Variants in CAMTA1 observed in about 807,000 individuals in gnomAD.
CAMTA1 encodes calmodulin binding transcription activator 1.
A neutral mutation model predicts 170.9 loss-of-function variants in CAMTA1; 27 were observed. The ratio of observed to expected loss-of-function variants is 0.16; its 90% confidence interval spans 0.12 to 0.22. The LOEUF (loss-of-function observed/expected upper bound fraction) is 0.22, where lower values mean the gene tolerates loss of function less well. CAMTA1 is among the 10% of genes least tolerant of loss of function. CAMTA1 has a pLI of 1.00. For missense variants in CAMTA1, 1,619 were observed against 2,217.2 expected (o/e 0.73, Z 5.42); for synonymous variants, 833 against 891.5 (o/e 0.93, Z 1.17).
chr1:7,108,145 C>T (rs1643790283), intron 4 of CAMTA1, among the ~76,000 whole-genome samples: 2 of 152,098 alleles, frequency 1.3e-5, no homozygotes, highest in Non-Finnish European at 2.9e-5. Context: ...AGTTAGCGAG[C>T]CCCAAATATT....
At chr1:7,468,579 G>A (rs1195992125) in intron 6 of CAMTA1, among the ~76,000 whole-genome samples, 4 of 152,234 alleles carry the variant, frequency 2.6e-5, no homozygotes, top group Non-Finnish European at 5.9e-5. Context: ...CTGCCGTGTG[G>A]GCGGGAAGGT....
At chr1:7,457,998 C>T (rs1303506605) in intron 5 of CAMTA1, among the ~76,000 whole-genome samples, 1 of 152,182 alleles carries the variant, frequency 6.6e-6, no homozygotes, top group Non-Finnish European at 1.5e-5. Flanking sequence ...GTGGGGCGCC[C>T]ACGTGTCCTG....
At chr1:7,473,767 G>A (rs2093373847) in intron 6 of CAMTA1, among the ~76,000 whole-genome samples, 1 of 152,242 alleles carries the variant, frequency 6.6e-6, no homozygotes, top group African/African-American at 2.4e-5. Flanking sequence ...TCCAGGGACC[G>A]TGGCACCTCA....
chr1:7,102,356 C>T (rs1642845727), intron 4 of CAMTA1, among the ~76,000 whole-genome samples: 3 of 152,104 alleles, frequency 2.0e-5, no homozygotes, highest in Admixed American at 2.0e-4. Context: ...CAGGGGAGCT[C>T]ACTGAAGCAT....
At chr1:7,552,479 C>T (rs1557903524) in intron 6 of CAMTA1, among the ~76,000 whole-genome samples, 1 of 152,360 alleles carries the variant, frequency 6.6e-6, no homozygotes, top group Admixed American at 6.5e-5. Flanking sequence ...ATTCAGCAGA[C>T]TCTCCTGTGT....
chr1:7,566,215 C>T (rs1271271553), intron 6 of CAMTA1, among the ~76,000 whole-genome samples: 1 of 152,038 alleles, frequency 6.6e-6, no homozygotes, highest in Non-Finnish European at 1.5e-5. Flanking sequence ...GGGCTGGGCC[C>T]CTGGGTGACC....
chr1:7,226,534 C>T (rs1661722158), intron 4 of CAMTA1, among the ~76,000 whole-genome samples: 1 of 152,270 alleles, frequency 6.6e-6, no homozygotes, highest in South Asian at 2.1e-4. Flanking sequence ...AAAAAGCAAC[C>T]AACTTCACAA....
intron 3 of CAMTA1, among the ~76,000 whole-genome samples, chr1:6,897,700 G>A (rs1214103796): frequency 6.6e-6 from 1 of 152,144 alleles, no homozygotes; most frequent in Non-Finnish European, 1.5e-5. Context: ...TTCAGTATAT[G>A]GTGGTGATTA....
intron 4 of CAMTA1, among the ~76,000 whole-genome samples, chr1:7,182,872 C>T (rs1652493606): frequency 6.6e-6 from 1 of 152,098 alleles, no homozygotes; most frequent in African/African-American, 2.4e-5. Context: ...ATGAAAATGG[C>T]TTTGAGCTGT....
At chr1:7,279,544 C>T (rs764356818) in intron 5 of CAMTA1, among the ~76,000 whole-genome samples, 29 of 152,244 alleles carry the variant, frequency 1.9e-4, no homozygotes, top group Non-Finnish European at 2.9e-4. Flanking sequence ...TCAAGCAGCT[C>T]GGTACGGGGA....
chr1:7,698,088 C>A (rs1033225396), intron 11 of CAMTA1, among the ~76,000 whole-genome samples: 22 of 96,180 alleles, frequency 2.3e-4, no homozygotes, highest in South Asian at 3.6e-4. Flanking sequence ...CCCCCCCCCC[C>A]ACCAACATGG....
intron 6 of CAMTA1, among the ~76,000 whole-genome samples, chr1:7,500,490 C>G (rs956760877): frequency 1.3e-5 from 2 of 152,058 alleles, no homozygotes; most frequent in African/African-American, 4.8e-5. Flanking sequence ...CTAGTTCTCT[C>G]TGCAGGTCTG....
intron 3 of CAMTA1, among the ~76,000 whole-genome samples, chr1:6,926,490 C>CTTTCTT (rs1557838416): frequency 1.9e-3 from 168 of 88,632 alleles, no homozygotes; most frequent in Non-Finnish European, 3.2e-3. Context: ...CTTTCTTTCT[C>CTTTCTT]TCTCTCTTTT....
chr1:7,473,871 C>T (rs1423806427), intron 6 of CAMTA1, among the ~76,000 whole-genome samples: 2 of 152,242 alleles, frequency 1.3e-5, no homozygotes, highest in African/African-American at 4.8e-5. Context: ...GCGATGGCCT[C>T]TCTGAGCCGA....
At chr1:7,245,222 A>G (rs1469583176) in intron 4 of CAMTA1, among the ~76,000 whole-genome samples, 1 of 151,180 alleles carries the variant, frequency 6.6e-6, no homozygotes, top group African/African-American at 2.4e-5. Context: ...TATATCACAC[A>G]CACACACATA....
At chr1:7,182,496 GA>G (rs1170643135) in intron 4 of CAMTA1, among the ~76,000 whole-genome samples, 8,104 of 98,386 alleles carry the variant, frequency 0.082, 282 homozygotes, top group African/African-American at 0.13. Context: ...CCCCATCTCA[GA>G]AAAAAAAAAA....
intron 5 of CAMTA1, among the ~76,000 whole-genome samples, chr1:7,356,975 C>G (rs1478921837): frequency 6.6e-6 from 1 of 152,204 alleles, no homozygotes; most frequent in East Asian, 1.9e-4. Flanking sequence ...CACTCAGCTC[C>G]CTTCCCCCCT....
At chr1:6,810,019 C>T (rs1196003820) in intron 1 of CAMTA1, among the ~76,000 whole-genome samples, 1 of 152,098 alleles carries the variant, frequency 6.6e-6, no homozygotes, top group African/African-American at 2.4e-5. Context: ...GAAAAGAAAC[C>T]ACTGTGGCCT....
intron 5 of CAMTA1, among the ~76,000 whole-genome samples, chr1:7,374,521 C>A (rs1461954615): frequency 1.3e-5 from 2 of 152,234 alleles, no homozygotes; most frequent in African/African-American, 4.8e-5. Context: ...GCAGTTTGCT[C>A]CATTGCAGCC....
Sources: gnomAD v4.1 joint callset for allele counts (sites outside exome capture counted in the v4.1 genomes callset) on GRCh38, gnomAD v4.1.1 for gene constraint, MANE v1.5 for transcripts, NCBI Gene and HGNC (gene_info 2026-07-23, HGNC 2026-07-21) for gene names.